The following C16orf96 variants were observed in gnomAD, a reference collection of about 807,000 sequenced individuals.
The protein encoded by C16orf96 is chromosome 16 open reading frame 96, also known as uncharacterized protein C16orf96.
In C16orf96, 108 loss-of-function variants were observed where a neutral mutation model predicts 103.6. The ratio of observed to expected loss-of-function variants is 1.04; its 90% CI spans 0.89 to 1.22. The LOEUF is 1.22. C16orf96 is among the 50% of genes most tolerant of loss of function. C16orf96 has a pLI of 0.00. For missense variants in C16orf96, 1,586 were observed against 1,464.2 expected, an observed-to-expected ratio of 1.08 and a Z score of -1.36; for synonymous variants, 566 against 593.5, an observed-to-expected ratio of 0.95 and a Z score of 0.67.
At chr16:4,546,415 C>T in the C16orf96 span, among the ~76,000 whole-genome samples, 4 of 151,540 alleles carry the variant, frequency 2.6e-5, no homozygotes, top group Admixed American at 2.6e-4. Flanking sequence ...GCCTCGGCCT[C>T]CCAGAGTGCT....
At chr16:4,562,295 C>T (rs755886262) in intron 1 of C16orf96, among the ~76,000 whole-genome samples, 9 of 151,958 alleles carry the variant, frequency 5.9e-5, no homozygotes, top group Non-Finnish European at 1.2e-4. Context: ...AGCAACATGG[C>T]GAGACTCCCT....
At chr16:4,596,596 C>G (rs1443187983) in intron 14 of C16orf96, among the ~76,000 whole-genome samples, 1 of 151,972 alleles carries the variant, frequency 6.6e-6, no homozygotes, top group African/African-American at 2.4e-5. Context: ...GCAGGAGGAT[C>G]GCTTGAGCCC....
rs886094019 is a variant in C16orf96 at position 4,599,717 on chromosome 16, C to T, written c.3208+353C>T. 1.2e-4 allele frequency among the ~76,000 whole-genome samples: 18 copies of T among 152,234 alleles called. 1 individual carries two copies. The highest frequency in any genetic ancestry group is 7.2e-4 in the Admixed American group (11 of 15,282). ...CTCCCTTATCTCATCAGAACCTCAT[C>T]CCGACTCCTGTGAGGCAGGCACTGT... On this transcript the variant is annotated intron_variant, in intron 15 of 15. Coordinates refer to ENST00000444310, the MANE Select transcript of C16orf96 (RefSeq NM_001145011.2).
At chr16:4,541,346 C>T in the C16orf96 span, among the ~76,000 whole-genome samples, 287 of 152,304 alleles carry the variant, frequency 1.9e-3, 1 homozygote, top group African/African-American at 6.7e-3. Flanking sequence ...ATCCCAAAAT[C>T]AATACTTGTG....
chr16:4,570,612 G>A (rs1052868555), intron 1 of C16orf96, among the ~76,000 whole-genome samples: 8 of 151,882 alleles, frequency 5.3e-5, no homozygotes, highest in Non-Finnish European at 8.8e-5. Flanking sequence ...TTACAGGCAC[G>A]CAACATCAGG....
At chr16:4,542,284 G>C in the C16orf96 span, among the ~76,000 whole-genome samples, 46 of 151,240 alleles carry the variant, frequency 3.0e-4, no homozygotes, top group African/African-American at 1.1e-3. Context: ...AGGATCACTT[G>C]AGCCCAGGAG....
chr16:4,580,540 A>T (rs1311517797), intron 7 of C16orf96, among the ~76,000 whole-genome samples: 1 of 152,142 alleles, frequency 6.6e-6, no homozygotes, highest in African/African-American at 2.4e-5. Flanking sequence ...AAAAATAAAA[A>T]AATAATAATA....
At chr16:4,599,428 G>A (rs1053325473) in intron 15 of C16orf96, 64 bp downstream of exon 15, 31 of 1,394,128 alleles carry the variant, frequency 2.2e-5, no homozygotes, top group South Asian at 1.2e-4. Context: ...GTCCCTCCTC[G>A]TCTCATCCCA....
chr16:4,578,547 C>A (rs545274639), intron 5 of C16orf96, among the ~76,000 whole-genome samples: 1 of 152,188 alleles, frequency 6.6e-6, no homozygotes, highest in African/African-American at 2.4e-5. Flanking sequence ...ATCACGAGGT[C>A]AAGAGATCGA....
At chr16:4,589,094 C>G (rs1382460828) in intron 9 of C16orf96, among the ~76,000 whole-genome samples, 2 of 152,152 alleles carry the variant, frequency 1.3e-5, no homozygotes, top group Non-Finnish European at 2.9e-5. Context: ...CCCTCAGAGA[C>G]TCTCCTCCTC....
At chr16:4,576,748 C>A in intron 5 of C16orf96, 113 bp downstream of exon 5, 3 of 1,042,410 alleles carry the variant, frequency 2.9e-6, no homozygotes, top group Non-Finnish European at 4.1e-6. Context: ...TGCATTCCAC[C>A]ATTAGCCATT....
chr16:4,575,472 G>C lies in C16orf96; in HGVS notation c.992G>C (p.Gly331Ala), dbSNP rs534567411. 2.0e-4 allele frequency: 308 copies of C among 1,548,144 alleles called. 1 individual carries two copies. The Middle Eastern group carries it at 2.7e-3, about 13-fold the overall frequency. The stretch of plus-strand genomic sequence containing the variant: ...GAATTTGCACCTGGGCCTGCACCTG[G>C]GACTGAACCTGTGCCAGGACTGGAG... ...TTEFAPGPAP[G>A]TEPVPGLELG... The change falls in exon 5 of 16, where the codon GGG (glycine) becomes GCG (alanine). Residue 331 changes from glycine to alanine, a missense_variant. Gly to Ala is a moderately conservative substitution (Grantham distance 60). Coordinates refer to ENST00000444310, the MANE Select transcript of C16orf96 (RefSeq NM_001145011.2).
At position 4,578,944 on chromosome 16, in the gene C16orf96, T is replaced by TA. The variant is rs1301867157; in HGVS notation, c.2161dup (p.Met721AsnfsTer25). On this transcript the variant is annotated frameshift_variant, in exon 6 of 16. Coordinates refer to ENST00000444310, the MANE Select transcript of C16orf96 (RefSeq NM_001145011.2). LOFTEE classifies it high-confidence loss of function. ...CACCCTGTCCTCTGCTTTCAGCCAA[T>TA]ATGGGAGGTCCTTCCAGCCTCGGGA... 3.9e-6 allele frequency: 6 copies of TA among 1,550,872 alleles called. No individual in the cohort carries two copies. In the African/African-American group the frequency reaches 8.2e-5, roughly 21 times the overall value.
intron 14 of C16orf96, among the ~76,000 whole-genome samples, chr16:4,598,369 AAAG>A (rs143964997): frequency 0.66 from 100,211 of 151,260 alleles, 37,390 homozygotes; most frequent in East Asian, 0.88. Context: ...AAGAAAGAAA[AAAG>A]AAAAGAAATG....
upstream of C16orf96, among the ~76,000 whole-genome samples, chr16:4,554,855 T>C (rs1253935785): frequency 6.6e-6 from 1 of 151,462 alleles, no homozygotes; most frequent in Non-Finnish European, 1.5e-5. Flanking sequence ...GGTCTCCATC[T>C]CTTAACCTCA....
intron 14 of C16orf96, among the ~76,000 whole-genome samples, chr16:4,598,179 C>G (rs1461499068): frequency 6.6e-6 from 1 of 151,852 alleles, no homozygotes; most frequent in Non-Finnish European, 1.5e-5. Context: ...TCGTGAAACC[C>G]CGCCTTTATA....
chr16:4,593,963 G>A lies in C16orf96; in HGVS notation c.2868-388G>A, dbSNP rs941736824. Among the ~76,000 whole-genome samples, 2 of 152,164 alleles carry A rather than the reference G, an allele frequency of 1.3e-5. No homozygotes were observed. The highest frequency in any genetic ancestry group is 2.4e-5 in the African/African-American group (1 of 41,422). ...GATCTCCCCAGCCTCCAACCCTGCT[G>A]TGGGGACGTCTGGCCAGGTGGGGGA... is the stretch of plus-strand genomic sequence containing the variant. On this transcript the variant is annotated intron_variant, in intron 12 of 15. Coordinates refer to ENST00000444310, the MANE Select transcript of C16orf96 (RefSeq NM_001145011.2). This position sits in a 1 kb window ranked among gnomAD's most constrained non-coding sequence, Gnocchi z 4.2.
At chr16:4,545,739 G>A in the C16orf96 span, among the ~76,000 whole-genome samples, 4 of 152,060 alleles carry the variant, frequency 2.6e-5, no homozygotes, top group African/African-American at 9.7e-5. Context: ...TGTTGTATTC[G>A]GAGTTGAGCC....
chr16:4,548,314 C>A, the C16orf96 span, among the ~76,000 whole-genome samples: 4 of 152,198 alleles, frequency 2.6e-5, no homozygotes. Context: ...CAGAACGCAG[C>A]TCCTCCTCCC....
Sources: gnomAD v4.1 joint callset for allele counts (sites outside exome capture counted in the v4.1 genomes callset) on GRCh38, gnomAD v4.1.1 for gene constraint, Gnocchi (gnomAD v3.1) non-coding constraint, MANE v1.5 for transcripts, NCBI Gene and HGNC (gene_info 2026-07-23, HGNC 2026-07-21) for gene names.